The following POU6F2 variants were observed in gnomAD, a reference collection of about 807,000 sequenced individuals.
POU6F2 encodes POU class 6 homeobox 2, also known as POU domain, class 6, transcription factor 2.
Under a neutral mutation model 71.3 loss-of-function variants are expected in POU6F2, and 31 were observed. The ratio of observed to expected loss-of-function variants is 0.43; its 90% CI spans 0.33 to 0.59. The LOEUF (loss-of-function observed/expected upper bound fraction) is 0.59. POU6F2 is among the 20% of genes least tolerant of loss of function. The probability of loss-of-function intolerance (pLI) is 0.04; values close to 1 mark genes in which losing one functional copy is unlikely to be tolerated. For synonymous variants in POU6F2, 347 were observed against 355.7 expected (o/e 0.98, Z 0.27); for missense variants, 783 against 856.8 (o/e 0.91, Z 1.07).
chr7:39,383,195 T>C (rs1326532375), intron 5 of POU6F2, among the ~76,000 whole-genome samples: 1 of 152,222 alleles, frequency 6.6e-6, no homozygotes, highest in Non-Finnish European at 1.5e-5. Context: ...ATTTGTACTT[T>C]GTGTGTAACA....
At chr7:39,021,904 C>T (rs1050649854) in intron 1 of POU6F2, among the ~76,000 whole-genome samples, 1 of 151,992 alleles carries the variant, frequency 6.6e-6, no homozygotes, top group African/African-American at 2.4e-5. Context: ...TCTGCTAGCC[C>T]ACAGTTTTAG....
chr7:39,243,359 C>G (rs1017056754), intron 4 of POU6F2, among the ~76,000 whole-genome samples: 2 of 152,030 alleles, frequency 1.3e-5, no homozygotes, highest in African/African-American at 2.4e-5. Flanking sequence ...CCACTGCACC[C>G]CCTGCACCCC....
chr7:39,248,577 C>T (rs1783860341), intron 4 of POU6F2, among the ~76,000 whole-genome samples: 3 of 152,162 alleles, frequency 2.0e-5, no homozygotes, highest in Admixed American at 2.0e-4. Flanking sequence ...CTTCTCTGTG[C>T]ATGCATGGAT....
chr7:39,011,984 A>C (rs1789303960), intron 1 of POU6F2, among the ~76,000 whole-genome samples: 1 of 152,092 alleles, frequency 6.6e-6, no homozygotes, highest in East Asian at 1.9e-4. Flanking sequence ...ACTTTGGTGA[A>C]ACTGACAATT....
At chr7:39,451,071 A>G (rs1290123831) in intron 7 of POU6F2, among the ~76,000 whole-genome samples, 1 of 152,202 alleles carries the variant, frequency 6.6e-6, no homozygotes, top group African/African-American at 2.4e-5. Flanking sequence ...CACTCAGCCT[A>G]CATTGGAACT....
chr7:39,285,750 G>C (rs1367130879), intron 4 of POU6F2, among the ~76,000 whole-genome samples: 1 of 152,140 alleles, frequency 6.6e-6, no homozygotes, highest in Non-Finnish European at 1.5e-5. Flanking sequence ...CTGGCCCTTG[G>C]CTTTACACAA....
At chr7:39,204,202 A>G (rs780049245) in intron 2 of POU6F2, 33 bp from the exon 3 acceptor site, 1 of 1,567,950 alleles carries the variant, frequency 6.4e-7, no homozygotes, top group South Asian at 1.1e-5. Context: ...GCTGGATCAT[A>G]TATTAAGGGA....
At position 39,264,293 on chromosome 7, in the gene POU6F2, A is replaced by C. The variant is rs544360679; in HGVS notation, c.598+56673A>C. ...ATTGGTGTTAGCTGTTAGTGAAGGAAACCAGGGAGCAAGGAAGTAAGAATG... is the reference window on the plus strand; with the variant it reads ...ATTGGTGTTAGCTGTTAGTGAAGGACACCAGGGAGCAAGGAAGTAAGAATG... On this transcript the variant is annotated intron_variant, in intron 4 of 9. Coordinates refer to ENST00000518318, the MANE Select transcript of POU6F2 (RefSeq NM_001370959.1). 3.3e-5 allele frequency among the ~76,000 whole-genome samples: 5 copies of C among 152,340 alleles called. No individual in the cohort carries two copies. In the South Asian group the frequency reaches 8.3e-4, roughly 25 times the overall value.
intron 4 of POU6F2, among the ~76,000 whole-genome samples, chr7:39,210,023 G>A (rs573374118): frequency 6.6e-6 from 1 of 152,118 alleles, no homozygotes; most frequent in Non-Finnish European, 1.5e-5. Context: ...AACAGCGAGG[G>A]GAGAAGGCTG....
Position 39,464,568 on chromosome 7 carries a change from T to G in POU6F2, c.2045T>G (p.Val682Gly), listed in dbSNP as rs1485762578. Residue 682 changes from valine (V) to glycine (G), a missense_variant, in exon 10 of 10, where the codon GTT becomes GGT. Around this residue, in one of 2 missense-constraint regions of POU6F2, gnomAD observed 211 missense variants for 283.9 expected, o/e 0.74. Coordinates refer to ENST00000518318, the MANE Select transcript of POU6F2 (RefSeq NM_001370959.1). The surrounding 1 kb of genome is among the most constrained non-coding windows in gnomAD (Gnocchi z 4.1). ...KLNYDREVVR[V>G]WFCNKRQALK... ...AACTATGACCGAGAAGTAGTTAGAG[T>G]TTGGTTCTGCAATAAGAGGCAAGCC... 1 of 1,612,438 alleles carries G rather than the reference T, an allele frequency of 6.2e-7. No homozygotes were observed.
intron 5 of POU6F2, among the ~76,000 whole-genome samples, chr7:39,394,051 A>G (rs1288105795): frequency 6.6e-6 from 1 of 152,226 alleles, no homozygotes; most frequent in Non-Finnish European, 1.5e-5. Context: ...TTAGTCCCCA[A>G]ATAAATAAAA....
chr7:38,990,325 T>G (rs544309547), intron 1 of POU6F2, among the ~76,000 whole-genome samples: 3 of 152,248 alleles, frequency 2.0e-5, no homozygotes, highest in South Asian at 4.1e-4. Flanking sequence ...TCAACTAACC[T>G]TTTTCCTGTC....
intron 1 of POU6F2, among the ~76,000 whole-genome samples, chr7:39,064,448 A>T (rs1490909325): frequency 6.6e-6 from 1 of 151,928 alleles, no homozygotes. Flanking sequence ...TTTGGCAAAG[A>T]TTAATACAAA....
chr7:39,451,721 C>T lies in POU6F2; in HGVS notation c.1489+20C>T, dbSNP rs375990548. 2.5e-5 allele frequency: 39 copies of T among 1,555,918 alleles called. No individual in the cohort carries two copies. Among genetic ancestry groups the T allele is most frequent in the Non-Finnish European group, 3.0e-5 (34 of 1,147,508 alleles). On this transcript the variant is annotated intron_variant, in intron 8 of 9. Coordinates refer to ENST00000518318, the MANE Select transcript of POU6F2 (RefSeq NM_001370959.1). Reference sequence around the variant, plus strand: ...TCAGCAGTAAGTATCCTTTCTGGCTCGGTTTAAATCGTGGTGGCCTTCTTG... The same window carrying T: ...TCAGCAGTAAGTATCCTTTCTGGCTTGGTTTAAATCGTGGTGGCCTTCTTG...
At chr7:39,422,677 C>A (rs1377825448) in intron 6 of POU6F2, among the ~76,000 whole-genome samples, 1 of 152,126 alleles carries the variant, frequency 6.6e-6, no homozygotes, top group Non-Finnish European at 1.5e-5. Flanking sequence ...AAGTTGAGGT[C>A]ATTTTCCACC....
At chr7:39,319,417 G>A (rs1785340695) in intron 4 of POU6F2, among the ~76,000 whole-genome samples, 2 of 136,010 alleles carry the variant, frequency 1.5e-5, no homozygotes, top group Admixed American at 7.5e-5. Context: ...CTGGGGGATG[G>A]TATTGTGGTT....
At chr7:39,187,821 G>C (rs1483615611) in intron 2 of POU6F2, among the ~76,000 whole-genome samples, 1 of 152,230 alleles carries the variant, frequency 6.6e-6, no homozygotes, top group Non-Finnish European at 1.5e-5. Flanking sequence ...GGAGTTTTTA[G>C]ATGTGGCCAT....
intron 4 of POU6F2, among the ~76,000 whole-genome samples, chr7:39,259,882 T>C (rs1258877218): frequency 3.3e-5 from 5 of 151,922 alleles, no homozygotes; most frequent in Non-Finnish European, 5.9e-5. Flanking sequence ...GGCTTCTAAG[T>C]GTTGCTGCAG....
rs1377034885 is a variant in POU6F2 at position 39,085,935 on chromosome 7, G to A, written c.181G>A (p.Glu61Lys). 6.2e-7 allele frequency: 1 copy of A among 1,613,660 alleles called. No homozygotes were observed. ...TGAAATGAATGCGGAGTTGAGAGGT[G>A]AGGACAAGGCTGCTACTTCAGACAG... is the stretch of plus-strand genomic sequence containing the variant. The part of the protein sequence containing the change: ...RSEMNAELRG[E>K]DKAATSDSEL... The change falls in exon 2 of 10, where the codon GAG (glutamate) becomes AAG (lysine). Residue 61 changes from glutamate (E) to lysine (K), a missense_variant. Around this residue, in one of 2 missense-constraint regions of POU6F2, gnomAD observed 572 missense variants for 572.9 expected, o/e 1.00. Transcript: ENST00000518318.
Sources: gnomAD v4.1 joint callset for allele counts (sites outside exome capture counted in the v4.1 genomes callset) on GRCh38, gnomAD v4.1.1 for gene constraint, gnomAD v4.1.1 regional missense constraint, Gnocchi (gnomAD v3.1) non-coding constraint, MANE v1.5 for transcripts, NCBI Gene and HGNC (gene_info 2026-07-23, HGNC 2026-07-21) for gene names.